Variants in EPB41L3 observed in about 807,000 individuals in gnomAD.
EPB41L3 encodes the protein band 4.1-like protein 3.
EPB41L3 carries 57 observed loss-of-function variants against 127.1 expected under a neutral mutation model. The observed-to-expected ratio is 0.45, with a 90% CI of 0.36 to 0.56. EPB41L3 has a LOEUF of 0.56. Among genes scored for constraint, EPB41L3 ranks in the 20% least tolerant of loss-of-function variants. The pLI, the probability that EPB41L3 is intolerant of heterozygous loss-of-function variation, is 0.00. For synonymous variants in EPB41L3, 572 were observed against 549.5 expected, an observed-to-expected ratio of 1.04 and a Z score of -0.57; for missense variants, 1,273 against 1,372.2, an observed-to-expected ratio of 0.93 and a Z score of 1.14.
chr18:5,423,793 C>T (rs760620905), intron 10 of EPB41L3, among the ~76,000 whole-genome samples: 4 of 152,160 alleles, frequency 2.6e-5, no homozygotes, highest in South Asian at 2.1e-4. Flanking sequence ...TAACATTCCA[C>T]GCAAAGTGGA....
intron 1 of EPB41L3, among the ~76,000 whole-genome samples, chr18:5,617,724 T>C (rs1335838179): frequency 6.6e-6 from 1 of 152,168 alleles, no homozygotes; most frequent in South Asian, 2.1e-4. Flanking sequence ...TATCTATTAC[T>C]TGATCAGAAG....
At chr18:5,629,175 A>G (rs12051981), upstream of EPB41L3, among the ~76,000 whole-genome samples, 140,329 of 152,128 alleles carry the variant, frequency 0.92, 64,762 homozygotes, top group East Asian at 0.97. Flanking sequence ...CGCCTCGGGA[A>G]CGCCTCGATC....
intron 6 of EPB41L3, among the ~76,000 whole-genome samples, chr18:5,434,401 TAA>T (rs984300224): frequency 1.3e-5 from 2 of 152,186 alleles, no homozygotes; most frequent in Admixed American, 6.5e-5. Context: ...AAAAGAAACT[TAA>T]AGACATATTC....
chr18:5,420,092 C>T, intron 11 of EPB41L3: 2 of 923,218 alleles, frequency 2.2e-6, no homozygotes, highest in Non-Finnish European at 1.6e-6. Context: ...TTCATGAGAG[C>T]ATGACCTTCC....
chr18:5,542,902 A>G (rs1024632920), intron 1 of EPB41L3, among the ~76,000 whole-genome samples: 1 of 152,174 alleles, frequency 6.6e-6, no homozygotes, highest in African/African-American at 2.4e-5. Context: ...GGAAATCCGA[A>G]AAAGCAAGCC....
intron 1 of EPB41L3, among the ~76,000 whole-genome samples, chr18:5,514,154 A>G (rs1423924615): frequency 3.3e-5 from 5 of 152,222 alleles, no homozygotes; most frequent in Non-Finnish European, 7.3e-5. Flanking sequence ...TTACTTCAGT[A>G]TGAAACACTT....
At chr18:5,537,915 C>T (rs1315314174) in intron 1 of EPB41L3, among the ~76,000 whole-genome samples, 1 of 152,112 alleles carries the variant, frequency 6.6e-6, no homozygotes, top group Non-Finnish European at 1.5e-5. Context: ...CACTGATACA[C>T]AGAATGGACA....
intron 3 of EPB41L3, among the ~76,000 whole-genome samples, chr18:5,611,360 G>C (rs2094723407): frequency 6.6e-6 from 1 of 152,194 alleles, no homozygotes; most frequent in Non-Finnish European, 1.5e-5. Flanking sequence ...GATGAAGCTT[G>C]AAGACACTAT....
intron 1 of EPB41L3, chr18:5,540,316 A>G (rs1360149973): frequency 1.0e-6 from 1 of 979,068 alleles, no homozygotes; most frequent in African/African-American, 1.8e-5. Flanking sequence ...ATTCATTTAC[A>G]CCTTTCAATT....
chr18:5,430,146 C>T (rs2078785458), intron 8 of EPB41L3, among the ~76,000 whole-genome samples: 1 of 152,184 alleles, frequency 6.6e-6, no homozygotes, highest in Admixed American at 6.5e-5. Flanking sequence ...AAAACAGTAG[C>T]TCCCTTCATG....
intron 3 of EPB41L3, among the ~76,000 whole-genome samples, chr18:5,585,650 T>C (rs1405791068): frequency 4.6e-5 from 7 of 152,216 alleles, no homozygotes; most frequent in Admixed American, 4.6e-4. Flanking sequence ...TATGCTTATT[T>C]TATGCCATTA....
chr18:5,552,441 T>G (rs2093978997), intron 3 of EPB41L3, among the ~76,000 whole-genome samples: 1 of 152,246 alleles, frequency 6.6e-6, no homozygotes, highest in Non-Finnish European at 1.5e-5. Flanking sequence ...TACTTGTGGT[T>G]ATCTCAGATG....
At chr18:5,467,141 T>C (rs2085142329) in intron 3 of EPB41L3, among the ~76,000 whole-genome samples, 1 of 152,228 alleles carries the variant, frequency 6.6e-6, no homozygotes, top group South Asian at 2.1e-4. Flanking sequence ...AATCATTCTA[T>C]ATGAAGGCAA....
intron 1 of EPB41L3, among the ~76,000 whole-genome samples, chr18:5,504,465 G>C (rs1442521802): frequency 6.6e-6 from 1 of 152,100 alleles, no homozygotes; most frequent in African/African-American, 2.4e-5. Flanking sequence ...AGTCACACAG[G>C]AGTGGGACCG....
intron 3 of EPB41L3, among the ~76,000 whole-genome samples, chr18:5,459,438 A>C (rs1042436639): frequency 6.0e-5 from 9 of 150,708 alleles, no homozygotes; most frequent in Admixed American, 5.9e-4. Flanking sequence ...ATGAATTATT[A>C]ATTTTTGACT....
At chr18:5,446,803 G>A (rs113392916) in intron 3 of EPB41L3, among the ~76,000 whole-genome samples, 5 of 152,160 alleles carry the variant, frequency 3.3e-5, no homozygotes, top group Non-Finnish European at 4.4e-5. Flanking sequence ...TAAATTACTC[G>A]TTAGCAAAAC....
intron 3 of EPB41L3, among the ~76,000 whole-genome samples, chr18:5,609,275 A>G (rs2094698769): frequency 6.6e-6 from 1 of 152,332 alleles, no homozygotes; most frequent in South Asian, 2.1e-4. Context: ...AAAGTATAGA[A>G]GATAATCCTA....
intron 3 of EPB41L3, among the ~76,000 whole-genome samples, chr18:5,564,197 G>A (rs2094169441): frequency 6.6e-6 from 1 of 152,128 alleles, no homozygotes; most frequent in African/African-American, 2.4e-5. Flanking sequence ...AAGATTTAAA[G>A]AAATGGAGAT....
intron 19 of EPB41L3, 88 bp from the exon 20 acceptor site, chr18:5,395,795 T>TTTCACTATC (rs111820233): frequency 0.025 from 23,851 of 939,482 alleles, 697 homozygotes; most frequent in African/African-American, 0.12. Context: ...ATTACGACAA[T>TTTCACTATC]TTCACTATCT....
Sources: gnomAD v4.1 joint callset for allele counts (sites outside exome capture counted in the v4.1 genomes callset) on GRCh38, gnomAD v4.1.1 for gene constraint, MANE v1.5 for transcripts, NCBI Gene and HGNC (gene_info 2026-07-23, HGNC 2026-07-21) for gene names.